TBC1D1: variants seen among roughly 807,000 people sequenced by gnomAD.
TBC1D1 encodes TBC1 (tre-2/USP6, BUB2, cdc16) domain family, member 1.
In TBC1D1, 89 loss-of-function variants were observed where a neutral mutation model predicts 125.6. The ratio of observed to expected loss-of-function variants is 0.71; its 90% CI spans 0.60 to 0.85. TBC1D1 has a LOEUF of 0.85. Ranked by LOEUF, TBC1D1 falls within the 40% of genes least tolerant of loss-of-function variation. TBC1D1 has a pLI of 0.00. For synonymous variants in TBC1D1, 565 were observed against 564.1 expected, an observed-to-expected ratio of 1.00 and a Z score of -0.02; for missense variants, 1,377 against 1,469.2, an observed-to-expected ratio of 0.94 and a Z score of 1.03.
rs1028894901 is a variant in TBC1D1 at position 37,977,157 on chromosome 4, A to T, written c.418-37352A>T. Among the ~76,000 whole-genome samples, 2 of 151,994 alleles carry T rather than the reference A, an allele frequency of 1.3e-5. No homozygotes were observed. The highest frequency in any genetic ancestry group is 4.8e-5 in the African/African-American group (2 of 41,392). On this transcript the variant is annotated intron_variant, in intron 2 of 19. Coordinates refer to ENST00000261439, the MANE Select transcript of TBC1D1 (RefSeq NM_015173.4). This position sits in a 1 kb window ranked among gnomAD's most constrained non-coding sequence, Gnocchi z 4.3. ...TCCTGCGCAGCCCTGGGCATCTCGGAAGGGGGCGACCCCAGCATGTCCCAA... is the reference window on the plus strand; with the variant it reads ...TCCTGCGCAGCCCTGGGCATCTCGGTAGGGGGCGACCCCAGCATGTCCCAA...
intron 2 of TBC1D1, among the ~76,000 whole-genome samples, chr4:37,986,102 A>G (rs16994129): frequency 0.18 from 28,139 of 152,200 alleles, 3,346 homozygotes; most frequent in African/African-American, 0.35. Flanking sequence ...AGCACTGCCT[A>G]TGGCCCTCAA....
chr4:38,068,934 G>C (rs1474023432), intron 12 of TBC1D1, among the ~76,000 whole-genome samples: 1 of 152,232 alleles, frequency 6.6e-6, no homozygotes, highest in Non-Finnish European at 1.5e-5. Flanking sequence ...TCAGGGTGGT[G>C]CTTGTGTTGT....
chr4:38,015,512 G>C lies in TBC1D1; in HGVS notation c.882+539G>C, dbSNP rs1371375926. 2.0e-5 allele frequency among the ~76,000 whole-genome samples: 3 copies of C among 151,614 alleles called. No homozygotes were observed. In the East Asian group the frequency reaches 5.8e-4, roughly 30 times the overall value. On this transcript the variant is annotated intron_variant, in intron 3 of 19. Coordinates refer to ENST00000261439, the MANE Select transcript of TBC1D1 (RefSeq NM_015173.4). ...GTGTTAAATTGACAGCCAAATGCTAGAAAAGGACTGAACATGGGGGGCTGT... is the reference window on the plus strand; with the variant it reads ...GTGTTAAATTGACAGCCAAATGCTACAAAAGGACTGAACATGGGGGGCTGT...
At chr4:37,993,423 A>G (rs775315505) in intron 2 of TBC1D1, among the ~76,000 whole-genome samples, 3 of 152,156 alleles carry the variant, frequency 2.0e-5, no homozygotes, top group Non-Finnish European at 4.4e-5. Flanking sequence ...CTTGCTTTTG[A>G]AAATGTCATT....
chr4:38,022,800 CTG>C (rs893855423), intron 6 of TBC1D1, among the ~76,000 whole-genome samples: 5 of 152,238 alleles, frequency 3.3e-5, no homozygotes, highest in Non-Finnish European at 5.9e-5. Context: ...TTTCACCACT[CTG>C]TTCTTGATTT....
intron 15 of TBC1D1, among the ~76,000 whole-genome samples, chr4:38,107,003 C>A (rs1290620995): frequency 6.7e-6 from 1 of 150,050 alleles, no homozygotes; most frequent in Non-Finnish European, 1.5e-5. Context: ...ACAGTGCTGA[C>A]CCCCCTCTCT....
In TBC1D1 at chr4:38,053,966, A is replaced by G. The variant is rs901387316; in HGVS notation, c.1911-233A>G. Among the ~76,000 whole-genome samples, 4 of 152,238 alleles carry G rather than the reference A, an allele frequency of 2.6e-5. 1 individual carries two copies. The highest frequency in any genetic ancestry group is 2.0e-4 in the Admixed American group (3 of 15,284). On this transcript the variant is annotated intron_variant, in intron 11 of 19. Coordinates refer to ENST00000261439, the MANE Select transcript of TBC1D1 (RefSeq NM_015173.4). ...AACATGTTTCTTAATCTCTGTTACA[A>G]TCGAAATCACTTAAGGGCATGTAAT...
chr4:38,099,899 CCA>C (rs1273837606), intron 14 of TBC1D1, among the ~76,000 whole-genome samples: 4 of 152,082 alleles, frequency 2.6e-5, no homozygotes, highest in Non-Finnish European at 5.9e-5. Context: ...AGTGACACAG[CCA>C]ATATTCTTTT....
chr4:37,995,984 A>T lies in TBC1D1; in HGVS notation c.418-18525A>T. 1.9e-6 allele frequency: 1 copy of T among 538,954 alleles called. No individual in the cohort carries two copies. The allele number at this position is 538,954 out of a possible 1,614,324, so 33.4% of individuals were successfully genotyped here. On this transcript the variant is annotated intron_variant, in intron 2 of 19. Transcript: ENST00000261439. This position sits in a 1 kb window ranked among gnomAD's most constrained non-coding sequence, Gnocchi z 4.3. ...TCTCTTGCCTCTCTGTTTCTACCTC[A>T]TCCTTGGGTGGGGGTTCTGGGATGG...
intron 2 of TBC1D1, among the ~76,000 whole-genome samples, chr4:37,933,743 T>C: frequency 6.6e-6 from 1 of 152,324 alleles, no homozygotes; most frequent in Middle Eastern, 3.4e-3. Flanking sequence ...TGATTCATTG[T>C]CTTCACCTCC....
intron 15 of TBC1D1, among the ~76,000 whole-genome samples, chr4:38,108,208 G>A (rs933813541): frequency 6.6e-6 from 1 of 152,198 alleles, no homozygotes; most frequent in Non-Finnish European, 1.5e-5. Flanking sequence ...GGGGCTGCCA[G>A]TGACACTGGG....
intron 12 of TBC1D1, among the ~76,000 whole-genome samples, chr4:38,055,495 T>C (rs1168684878): frequency 6.6e-6 from 1 of 152,228 alleles, no homozygotes; most frequent in Non-Finnish European, 1.5e-5. Context: ...AAATCAGTGA[T>C]GCGAATGTTT....
At chr4:38,021,006 A>T in intron 5 of TBC1D1, 1 of 262,986 alleles carries the variant, frequency 3.8e-6, no homozygotes, top group East Asian at 8.9e-5. Flanking sequence ...TTTAGTTTTT[A>T]CTGTATCAGT....
At chr4:38,106,850 G>A (rs1455549738) in intron 15 of TBC1D1, among the ~76,000 whole-genome samples, 1 of 152,094 alleles carries the variant, frequency 6.6e-6, no homozygotes, top group African/African-American at 2.4e-5. Context: ...GCCCCACCAC[G>A]GCCTCCCCTG....
intron 1 of TBC1D1, among the ~76,000 whole-genome samples, chr4:37,891,866 G>C (rs1225287427): frequency 6.6e-6 from 1 of 151,910 alleles, no homozygotes; most frequent in African/African-American, 2.4e-5. Context: ...GCCGCTTCCT[G>C]ATGGCTCTGT....
chr4:37,944,930 G>A (rs955879637), intron 2 of TBC1D1, among the ~76,000 whole-genome samples: 6 of 152,296 alleles, frequency 3.9e-5, no homozygotes, highest in East Asian at 1.9e-4. Flanking sequence ...TGTCGTTCAC[G>A]CCGGGAGCTG....
At chr4:37,942,389 C>G (rs966946048) in intron 2 of TBC1D1, among the ~76,000 whole-genome samples, 6 of 152,056 alleles carry the variant, frequency 3.9e-5, no homozygotes, top group African/African-American at 1.5e-4. Context: ...AGATCTTCCT[C>G]CATCCCTTTA....
chr4:37,939,125 A>T (rs1202821900), intron 2 of TBC1D1, among the ~76,000 whole-genome samples: 1 of 152,226 alleles, frequency 6.6e-6, no homozygotes, highest in African/African-American at 2.4e-5. Flanking sequence ...TGGTTGAACT[A>T]GTTTACAGTC....
Position 37,936,743 on chromosome 4 carries a change from A to G in TBC1D1, c.417+34231A>G, listed in dbSNP as rs146610280. Reference sequence around the variant, plus strand: ...GAAGGGCAGGGTCTGGGAAGAAGTGAGATATACTAGAATAGAACCTCCTTG... The same window carrying G: ...GAAGGGCAGGGTCTGGGAAGAAGTGGGATATACTAGAATAGAACCTCCTTG... On this transcript the variant is annotated intron_variant, in intron 2 of 19. Coordinates refer to ENST00000261439, the MANE Select transcript of TBC1D1 (RefSeq NM_015173.4). 5.1e-3 allele frequency among the ~76,000 whole-genome samples: 778 copies of G among 152,306 alleles called. 4 individuals carry two copies. Among genetic ancestry groups the G allele is most frequent in the African/African-American group, 0.018 (747 of 41,562 alleles).
Sources: gnomAD v4.1 joint callset for allele counts (sites outside exome capture counted in the v4.1 genomes callset) on GRCh38, gnomAD v4.1.1 for gene constraint, Gnocchi (gnomAD v3.1) non-coding constraint, MANE v1.5 for transcripts, NCBI Gene and HGNC (gene_info 2026-07-23, HGNC 2026-07-21) for gene names.